Variants in VSTM4 observed in about 807,000 individuals in gnomAD.
VSTM4 encodes the protein V-set and transmembrane domain-containing protein 4.
A neutral mutation model predicts 36.4 loss-of-function variants in VSTM4; 20 were observed. The observed-to-expected ratio is 0.55, with a 90% CI of 0.39 to 0.80. The LOEUF (loss-of-function observed/expected upper bound fraction) is 0.80. VSTM4 is among the 30% of genes least tolerant of loss of function. The pLI, the probability that VSTM4 is intolerant of heterozygous loss-of-function variation, is 0.00. For missense variants in VSTM4, 392 were observed against 404.5 expected (o/e 0.97, Z 0.26); for synonymous variants, 182 against 173.9 (o/e 1.05, Z -0.37).
At chr10:49,090,477 T>C (rs559368058) in intron 2 of VSTM4, among the ~76,000 whole-genome samples, 41 of 152,166 alleles carry the variant, frequency 2.7e-4, no homozygotes, top group Non-Finnish European at 5.0e-4. Context: ...AGCCAGACAA[T>C]GGTCCTATAG....
intron 7 of VSTM4, among the ~76,000 whole-genome samples, chr10:49,030,564 C>T (rs1843330123): frequency 6.6e-6 from 1 of 152,200 alleles, no homozygotes; most frequent in Admixed American, 6.5e-5. Flanking sequence ...AAGTCTGGAG[C>T]TCAGGAGAGA....
chr10:49,035,198 C>T (rs1489406364), intron 7 of VSTM4, among the ~76,000 whole-genome samples: 1 of 152,208 alleles, frequency 6.6e-6, no homozygotes, highest in African/African-American at 2.4e-5. Context: ...CAGCCCAGCA[C>T]ATCTCCCTGC....
intron 7 of VSTM4, among the ~76,000 whole-genome samples, chr10:49,020,720 G>A (rs1372328926): frequency 2.9e-5 from 1 of 34,532 alleles, no homozygotes; most frequent in Admixed American, 3.3e-4. Flanking sequence ...AAGGAAGGAA[G>A]GAAAGAAGAA....
At chr10:49,082,228 C>G (rs547885183) in intron 3 of VSTM4, among the ~76,000 whole-genome samples, 29 of 152,340 alleles carry the variant, frequency 1.9e-4, no homozygotes, top group African/African-American at 6.5e-4. Context: ...GTAAAAATCT[C>G]TCTATAAAAT....
At chr10:49,107,261 A>T (rs1475283541) in intron 2 of VSTM4, among the ~76,000 whole-genome samples, 1 of 152,172 alleles carries the variant, frequency 6.6e-6, no homozygotes, top group Non-Finnish European at 1.5e-5. Flanking sequence ...GACCCCTTTG[A>T]CCAGGGTCCA....
intron 5 of VSTM4, among the ~76,000 whole-genome samples, chr10:49,054,768 G>C (rs1044041084): frequency 1.3e-5 from 2 of 152,208 alleles, no homozygotes; most frequent in African/African-American, 4.8e-5. Flanking sequence ...GAACCACAGT[G>C]CATGTGGCAT....
At position 49,018,420 on chromosome 10, in the gene VSTM4, T is replaced by C. The variant is rs1317596345; in HGVS notation, c.*1230A>G. The C allele has an allele frequency of 6.6e-6, 1 of 152,180 alleles. No homozygotes were observed. The highest frequency in any genetic ancestry group is 1.5e-5 in the Non-Finnish European group (1 of 68,038). The allele number at this position is 152,180 out of a possible 1,614,324, so 9.4% of individuals were successfully genotyped here. A position where few individuals can be genotyped will look rare whatever the true frequency, so the allele number is the denominator to read the frequency against. Reference sequence around the variant, plus strand: ...ATTTAGCCAAGTTCACACAGCTATATAGAGGGCACAACTCATACCCCAGCT... The same window carrying C: ...ATTTAGCCAAGTTCACACAGCTATACAGAGGGCACAACTCATACCCCAGCT... On this transcript the variant is annotated 3_prime_UTR_variant, in exon 8 of 8. Transcript: ENST00000332853.
intron 1 of VSTM4, among the ~76,000 whole-genome samples, chr10:49,115,100 G>A (rs1459579755): frequency 2.6e-5 from 4 of 152,148 alleles, no homozygotes; most frequent in South Asian, 2.1e-4. Context: ...AAAGGAAAGC[G>A]AACCACCAAC....
chr10:49,022,121 ATTT>A (rs35764389), intron 7 of VSTM4, among the ~76,000 whole-genome samples: 1 of 114,920 alleles, frequency 8.7e-6, no homozygotes, highest in African/African-American at 3.2e-5. Flanking sequence ...TAATGCATTT[ATTT>A]TTTTTTATTT....
At chr10:49,048,354 A>G (rs1172280243) in intron 6 of VSTM4, 124 bp downstream of exon 6, 1 of 871,776 alleles carries the variant, frequency 1.1e-6, no homozygotes, top group South Asian at 2.0e-5. Context: ...CTACATAATC[A>G]TTAAATGTCA....
chr10:49,025,247 T>C (rs367782688), intron 7 of VSTM4, among the ~76,000 whole-genome samples: 9 of 151,978 alleles, frequency 5.9e-5, no homozygotes, highest in Non-Finnish European at 7.4e-5. Flanking sequence ...AGCAAATGAA[T>C]ACATAAGTCA....
At chr10:49,105,855 A>G (rs888019217) in intron 2 of VSTM4, among the ~76,000 whole-genome samples, 2 of 151,964 alleles carry the variant, frequency 1.3e-5, no homozygotes, top group Non-Finnish European at 1.5e-5. Context: ...ATATATATAT[A>G]TATCTTGTGT....
chr10:49,021,330 G>A (rs1843179309), intron 7 of VSTM4, among the ~76,000 whole-genome samples: 1 of 151,886 alleles, frequency 6.6e-6, no homozygotes, highest in African/African-American at 2.4e-5. Context: ...TTTAAAAATA[G>A]CCTCCAAGTA....
intron 7 of VSTM4, among the ~76,000 whole-genome samples, chr10:49,021,856 A>G (rs1272598485): frequency 6.6e-6 from 1 of 152,226 alleles, no homozygotes; most frequent in Non-Finnish European, 1.5e-5. Flanking sequence ...AGAATGAGGG[A>G]GGAGCTATAT....
chr10:49,114,353 G>A (rs1422557403), intron 1 of VSTM4, among the ~76,000 whole-genome samples: 1 of 152,200 alleles, frequency 6.6e-6, no homozygotes, highest in Admixed American at 6.5e-5. Context: ...CTTGGAAAAT[G>A]ACTTCTGAGC....
intron 2 of VSTM4, among the ~76,000 whole-genome samples, chr10:49,098,816 C>A (rs777171109): frequency 6.6e-6 from 1 of 152,216 alleles, no homozygotes; most frequent in Non-Finnish European, 1.5e-5. Flanking sequence ...GTGTCTGCCA[C>A]CCCATAGGCA....
intron 7 of VSTM4, among the ~76,000 whole-genome samples, chr10:49,034,061 C>T (rs1843388709): frequency 6.6e-6 from 1 of 151,664 alleles, no homozygotes; most frequent in African/African-American, 2.4e-5. Flanking sequence ...ATCAATATTA[C>T]CATTATTATT....
At chr10:49,021,725 G>T (rs557285998) in intron 7 of VSTM4, among the ~76,000 whole-genome samples, 1 of 152,112 alleles carries the variant, frequency 6.6e-6, no homozygotes, top group Admixed American at 6.5e-5. Flanking sequence ...AAACATAGAG[G>T]TCCTCTCCTA....
chr10:49,051,391 T>TC (rs1491377928), intron 5 of VSTM4, among the ~76,000 whole-genome samples: 1 of 52,860 alleles, frequency 1.9e-5, no homozygotes, highest in African/African-American at 1.2e-4. Flanking sequence ...AGCTCATTTC[T>TC]TTTTTTTTTT....
Sources: allele counts gnomAD v4.1 joint callset (sites outside exome capture counted in the v4.1 genomes callset), GRCh38; gene constraint gnomAD v4.1.1; transcripts MANE v1.5; gene names NCBI Gene and HGNC (gene_info 2026-07-23, HGNC 2026-07-21).